WDR17: variants seen among roughly 807,000 people sequenced by gnomAD.
WDR17 encodes WD repeat domain 17, also known as WD repeat-containing protein 17.
A neutral mutation model predicts 161.7 loss-of-function variants in WDR17; 143 were observed. The ratio of observed to expected loss-of-function variants is 0.88; its 90% CI spans 0.77 to 1.02. The LOEUF (loss-of-function observed/expected upper bound fraction) is 1.02. Among genes scored for constraint, WDR17 ranks in the 50% least tolerant of loss-of-function variants. The pLI is 0.00. For synonymous variants in WDR17, 517 were observed against 515.6 expected (o/e 1.00, Z -0.04); for missense variants, 1,469 against 1,520.9 (o/e 0.97, Z 0.57).
At chr4:176,148,054 A>G in intron 12 of WDR17, 79 bp from the exon 13 acceptor site, 2 of 1,220,126 alleles carry the variant, frequency 1.6e-6, no homozygotes, top group Non-Finnish European at 2.3e-6. Context: ...AATAATTATT[A>G]TACTCTATTA....
At chr4:176,068,541 G>A (rs1383295126) in intron 1 of WDR17, among the ~76,000 whole-genome samples, 1 of 152,170 alleles carries the variant, frequency 6.6e-6, no homozygotes, top group Non-Finnish European at 1.5e-5. Flanking sequence ...CCCGGAGGTT[G>A]CAGTGAGCCA....
intron 22 of WDR17, among the ~76,000 whole-genome samples, chr4:176,168,339 T>A (rs115210739): frequency 0.011 from 1,738 of 152,300 alleles, 14 homozygotes; most frequent in Middle Eastern, 0.024. Flanking sequence ...CAATGTTTGC[T>A]TTATAATTCA....
Position 176,146,301 on chromosome 4 carries a change from G to A in WDR17, c.1694+142G>A, listed in dbSNP as rs767819349. 38 of 793,146 alleles carry A rather than the reference G, an allele frequency of 4.8e-5. No individual in the cohort carries two copies. In the Admixed American group the frequency reaches 5.1e-4, roughly 11 times the overall value. The allele number at this position is 793,146 out of a possible 1,614,324, so 49.1% of individuals were successfully genotyped here. A position where few individuals can be genotyped will look rare whatever the true frequency, so the allele number is the denominator to read the frequency against. On this transcript the variant is annotated intron_variant, in intron 12 of 28. Transcript: ENST00000508596. Reference sequence around the variant, plus strand: ...CAGGCTGGAATGCAGTGGCGTGATCGTGGTTTACTGCAATCTCCACCTCCC... The same window carrying A: ...CAGGCTGGAATGCAGTGGCGTGATCATGGTTTACTGCAATCTCCACCTCCC...
At chr4:176,067,165 A>G (rs1732636548) in intron 1 of WDR17, among the ~76,000 whole-genome samples, 1 of 152,170 alleles carries the variant, frequency 6.6e-6, no homozygotes, top group Non-Finnish European at 1.5e-5. Context: ...TGTTCAAGAA[A>G]ATGGATATAG....
intron 21 of WDR17, 37 bp downstream of exon 21, chr4:176,162,211 T>C: frequency 1.3e-6 from 2 of 1,576,688 alleles, no homozygotes; most frequent in Non-Finnish European, 1.7e-6. Context: ...GAATGAAAAG[T>C]TTTTTAGATA....
intron 1 of WDR17, among the ~76,000 whole-genome samples, chr4:176,078,639 G>A (rs1206238082): frequency 6.6e-6 from 1 of 151,980 alleles, no homozygotes; most frequent in Non-Finnish European, 1.5e-5. Context: ...TCTTCAACTG[G>A]AAGATAAAAC....
Position 176,166,085 on chromosome 4 carries a change from C to T in WDR17, c.2991-2587C>T, listed in dbSNP as rs376238750. 52 of 1,073,080 alleles carry T rather than the reference C, an allele frequency of 4.8e-5. 2 individuals are homozygous for T. Among genetic ancestry groups the T allele is most frequent in the South Asian group, 4.7e-4 (29 of 61,682 alleles). The allele number at this position is 1,073,080 out of a possible 1,614,324, so 66.5% of individuals were successfully genotyped here. On this transcript the variant is annotated intron_variant, in intron 22 of 28. Transcript: ENST00000508596. ...AAGTCTGTTTCTTTGTGGTATTCAT[C>T]GTATAATCATGGTATTCATATTTAA...
intron 18 of WDR17, among the ~76,000 whole-genome samples, chr4:176,158,815 G>T (rs1250027490): frequency 6.6e-6 from 1 of 152,192 alleles, no homozygotes; most frequent in East Asian, 1.9e-4. Context: ...CCATGTAGCT[G>T]CCAGAAAGTG....
At chr4:176,129,960 C>T (rs561518675) in intron 6 of WDR17, among the ~76,000 whole-genome samples, 1 of 139,900 alleles carries the variant, frequency 7.1e-6, no homozygotes, top group South Asian at 2.3e-4. Context: ...AGATTCTTTT[C>T]TTTCATTTTT....
rs769884140 is a variant in WDR17, at chr4:176,162,163, G to A, written c.2839G>A (p.Asp947Asn). ...VLAACCHLAI[D>N]NIELAMAYLI... The stretch of plus-strand genomic sequence containing the variant: ...AGCCGCATGTTGCCATCTTGCCATA[G>A]ATAATATTGAGGTACGACATTTAAA... Residue 947 changes from aspartate to asparagine, a missense_variant, in exon 21 of 29, where the codon GAT (aspartate) becomes AAT (asparagine). Transcript: ENST00000508596. 1.9e-6 allele frequency: 3 copies of A among 1,612,314 alleles called. No homozygotes were observed. Among genetic ancestry groups the A allele is most frequent in the Admixed American group, 1.7e-5 (1 of 59,788 alleles).
At chr4:176,077,069 C>A (rs902392381) in intron 1 of WDR17, among the ~76,000 whole-genome samples, 1 of 151,804 alleles carries the variant, frequency 6.6e-6, no homozygotes, top group Admixed American at 6.6e-5. Context: ...AATAAAAATA[C>A]TTTTTGCTTC....
chr4:176,168,557 G>A (rs1217253569), intron 22 of WDR17, 115 bp from the exon 23 acceptor site: 10 of 1,260,954 alleles, frequency 7.9e-6, no homozygotes, highest in Non-Finnish European at 1.1e-5. Flanking sequence ...TACTGTTTGT[G>A]TAAATTAAAA....
At chr4:176,081,733 C>T (rs1267460721) in intron 1 of WDR17, among the ~76,000 whole-genome samples, 1 of 152,138 alleles carries the variant, frequency 6.6e-6, no homozygotes, top group Non-Finnish European at 1.5e-5. Context: ...CATCAATGTT[C>T]CGGTCAGAAG....
At position 176,103,327 on chromosome 4, in the gene WDR17, A is replaced by G. The variant is rs545663695; in HGVS notation, c.-6-8248A>G. ...AACAAAAACAATAAATAAAAACAAAAACAGCAAACTCTGATTTCCAGAGTT... is the reference window on the plus strand; with the variant it reads ...AACAAAAACAATAAATAAAAACAAAGACAGCAAACTCTGATTTCCAGAGTT... On this transcript the variant is annotated intron_variant, in intron 1 of 28. Transcript: ENST00000508596. Among the ~76,000 whole-genome samples the G allele has an allele frequency of 3.5e-3, 536 of 152,212 alleles. 2 individuals are homozygous for G. Among genetic ancestry groups the G allele is most frequent in the African/African-American group, 0.012 (488 of 41,532 alleles).
intron 1 of WDR17, among the ~76,000 whole-genome samples, chr4:176,081,363 G>A (rs1362804387): frequency 6.6e-6 from 1 of 151,918 alleles, no homozygotes; most frequent in Non-Finnish European, 1.5e-5. Context: ...CTTTTTACGT[G>A]CCATTATACT....
At position 176,163,188 on chromosome 4, in the gene WDR17, T is replaced by C. The variant is rs1749294095; in HGVS notation, c.2885T>C (p.Leu962Pro). 6.2e-7 allele frequency: 1 copy of C among 1,613,778 alleles called. No individual in the cohort carries two copies. The highest frequency in any genetic ancestry group is 8.5e-7 in the Non-Finnish European group (1 of 1,179,832). ...AMAYLIRGNELELAVCVGTVL... is the reference protein window; with the variant it reads ...AMAYLIRGNEPELAVCVGTVL... ...GCATACCTGATTCGCGGAAATGAACTGGAGTTGGCAGTCTGTGTGGGCACA... is the reference window on the plus strand; with the variant it reads ...GCATACCTGATTCGCGGAAATGAACCGGAGTTGGCAGTCTGTGTGGGCACA... Residue 962 changes from leucine (L) to proline (P), a missense_variant, in exon 22 of 29, where the codon CTG becomes CCG. Transcript: ENST00000508596.
chr4:176,157,156 A>G (rs755450695), intron 18 of WDR17, among the ~76,000 whole-genome samples: 2 of 151,558 alleles, frequency 1.3e-5, no homozygotes, highest in African/African-American at 2.4e-5. Context: ...ATTTTATTCT[A>G]CTCTCTTCTA....
rs376461088 is a variant in WDR17, at chr4:176,125,087, T to C, written c.539-17T>C. ...TCTGCAAGTTTTTTGGAAATAATTA[T>C]CTCTGTATTTTAACAGGTAATAAAA... On this transcript the variant is annotated splice_polypyrimidine_tract_variant and intron_variant, in intron 4 of 28. Transcript: ENST00000508596. The C allele has an allele frequency of 6.2e-6, 10 of 1,610,698 alleles. No individual in the cohort carries two copies. In the African/African-American group the frequency reaches 1.3e-4, roughly 22 times the overall value.
Position 176,177,236 on chromosome 4 carries a change from TCATTA to T in WDR17, c.3548+81_3548+85del. ...AAACTTGTTGGAAGTATGTGTGGTC[TCATTA>T]ATTTTAGCAGAATAATGAATCTTGA... On this transcript the variant is annotated intron_variant, in intron 27 of 28. Coordinates refer to ENST00000508596, the MANE Select transcript of WDR17 (RefSeq NM_181265.4). The T allele has an allele frequency of 2.4e-6, 3 of 1,262,592 alleles. No homozygotes were observed. In the South Asian group the frequency reaches 3.8e-5, roughly 16 times the overall value. The allele number at this position is 1,262,592 out of a possible 1,614,324, so 78.2% of individuals were successfully genotyped here.
Sources: allele counts gnomAD v4.1 joint callset (sites outside exome capture counted in the v4.1 genomes callset), GRCh38; gene constraint gnomAD v4.1.1; transcripts MANE v1.5; gene names NCBI Gene and HGNC (gene_info 2026-07-23, HGNC 2026-07-21).